ANKS1B: variants seen among roughly 807,000 people sequenced by gnomAD.
The protein encoded by ANKS1B is ankyrin repeat and sterile alpha motif domain-containing protein 1B.
ANKS1B carries 36 observed loss-of-function variants against 148.3 expected under a neutral mutation model. The observed-to-expected ratio is 0.24, with a 90% CI of 0.19 to 0.32. The LOEUF (loss-of-function observed/expected upper bound fraction) is 0.32, where lower values mean the gene tolerates loss of function less well. Ranked by LOEUF, ANKS1B falls within the 10% of genes least tolerant of loss-of-function variation. ANKS1B has a pLI of 1.00. For missense variants in ANKS1B, 1,157 were observed against 1,542.6 expected (o/e 0.75, Z 4.19); for synonymous variants, 542 against 560.8 (o/e 0.97, Z 0.47).
intron 9 of ANKS1B, among the ~76,000 whole-genome samples, chr12:99,653,932 G>A (rs1430070339): frequency 2.0e-5 from 3 of 152,084 alleles, no homozygotes; most frequent in Admixed American, 6.6e-5. Context: ...CCACAGTGCT[G>A]AGATTACAGG....
intron 17 of ANKS1B, among the ~76,000 whole-genome samples, chr12:98,969,725 C>T (rs1022676104): frequency 2.6e-5 from 4 of 152,110 alleles, no homozygotes; most frequent in Admixed American, 6.5e-5. Context: ...TGACTAAAGG[C>T]TGTAAAATGC....
At chr12:99,868,899 A>G (rs2091107735) in intron 1 of ANKS1B, among the ~76,000 whole-genome samples, 1 of 152,134 alleles carries the variant, frequency 6.6e-6, no homozygotes, top group Middle Eastern at 3.4e-3. Context: ...CTCTACTAAC[A>G]ATACAAAAAT....
intron 19 of ANKS1B, among the ~76,000 whole-genome samples, chr12:98,827,452 A>G (rs1410771158): frequency 1.3e-5 from 2 of 151,964 alleles, no homozygotes; most frequent in Admixed American, 1.3e-4. Context: ...GGCTTTTTTC[A>G]CCTGGCCAGA....
At chr12:99,655,865 G>A (rs1438092774) in intron 8 of ANKS1B, among the ~76,000 whole-genome samples, 1 of 152,108 alleles carries the variant, frequency 6.6e-6, no homozygotes, top group Non-Finnish European at 1.5e-5. Context: ...GTAACTTTTG[G>A]ATAACAGATG....
chr12:99,631,768 GAATTGAAAGCAAAT>G (rs963879378), intron 9 of ANKS1B, among the ~76,000 whole-genome samples: 4 of 152,110 alleles, frequency 2.6e-5, no homozygotes, highest in African/African-American at 9.7e-5. Flanking sequence ...CTTACACTGA[GAATTGAAAGCAAAT>G]AATAACTTAA....
At chr12:99,112,344 A>G (rs2060459301) in intron 15 of ANKS1B, among the ~76,000 whole-genome samples, 1 of 152,002 alleles carries the variant, frequency 6.6e-6, no homozygotes, top group Non-Finnish European at 1.5e-5. Flanking sequence ...TAGTTTGAGA[A>G]TATTAGTATT....
chr12:99,026,757 T>C (rs1005932911), intron 17 of ANKS1B, among the ~76,000 whole-genome samples: 2 of 152,186 alleles, frequency 1.3e-5, no homozygotes, highest in East Asian at 3.8e-4. Flanking sequence ...TTTACAAGGA[T>C]AGGGTGCTTT....
intron 12 of ANKS1B, among the ~76,000 whole-genome samples, chr12:99,385,471 G>GTAA (rs907195585): frequency 1.2e-3 from 175 of 152,116 alleles, no homozygotes; most frequent in African/African-American, 4.1e-3. Context: ...TGTGTCAAAA[G>GTAA]TAATAATAAT....
intron 17 of ANKS1B, among the ~76,000 whole-genome samples, chr12:98,929,935 T>C (rs1033101541): frequency 2.0e-5 from 3 of 152,066 alleles, no homozygotes; most frequent in Non-Finnish European, 2.9e-5. Flanking sequence ...AAATATATAA[T>C]GGACATCATC....
intron 9 of ANKS1B, among the ~76,000 whole-genome samples, chr12:99,537,349 T>C (rs769742020): frequency 7.2e-5 from 11 of 152,250 alleles, no homozygotes; most frequent in Middle Eastern, 3.4e-3. Context: ...TTATCCTCCA[T>C]AATGGTTGTA....
intron 10 of ANKS1B, among the ~76,000 whole-genome samples, chr12:99,491,227 C>A (rs934355857): frequency 2.0e-5 from 3 of 151,900 alleles, no homozygotes. Context: ...ATGGCGTGAA[C>A]CTGGGAGGCG....
intron 15 of ANKS1B, among the ~76,000 whole-genome samples, chr12:99,113,694 A>T (rs1213090108): frequency 1.3e-5 from 2 of 152,196 alleles, no homozygotes; most frequent in East Asian, 3.9e-4. Context: ...GCATGATTTG[A>T]TCCAACCCCC....
At chr12:99,147,753 A>C (rs1396162002) in intron 15 of ANKS1B, among the ~76,000 whole-genome samples, 3 of 152,120 alleles carry the variant, frequency 2.0e-5, no homozygotes, top group African/African-American at 7.2e-5. Context: ...GAAAAGGTGT[A>C]GAGCACCACC....
chr12:99,134,898 T>G (rs2067485697), intron 15 of ANKS1B, among the ~76,000 whole-genome samples: 1 of 152,154 alleles, frequency 6.6e-6, no homozygotes, highest in South Asian at 2.1e-4. Context: ...ATTTCCAGTT[T>G]GCTTTTCCAT....
At chr12:99,428,418 A>G (rs1295696695) in intron 11 of ANKS1B, among the ~76,000 whole-genome samples, 1 of 152,190 alleles carries the variant, frequency 6.6e-6, no homozygotes, top group Non-Finnish European at 1.5e-5. Flanking sequence ...GATGACCCTA[A>G]ATGAGAATCA....
intron 12 of ANKS1B, among the ~76,000 whole-genome samples, chr12:99,258,340 C>T (rs990415844): frequency 6.6e-6 from 1 of 151,662 alleles, no homozygotes; most frequent in African/African-American, 2.4e-5. Context: ...AATAAGATCC[C>T]CCTAAAAAGT....
At chr12:99,557,251 C>G (rs114657629) in intron 9 of ANKS1B, among the ~76,000 whole-genome samples, 1 of 152,124 alleles carries the variant, frequency 6.6e-6, no homozygotes, top group Non-Finnish European at 1.5e-5. Flanking sequence ...TGAATGATAT[C>G]CTCAAATATA....
intron 17 of ANKS1B, among the ~76,000 whole-genome samples, chr12:98,903,868 T>C (rs1336839774): frequency 6.6e-6 from 1 of 152,172 alleles, no homozygotes; most frequent in Non-Finnish European, 1.5e-5. Context: ...GGGAGCTCAT[T>C]ACCAACTGAA....
At chr12:98,901,956 T>G (rs1360511647) in intron 17 of ANKS1B, among the ~76,000 whole-genome samples, 3 of 152,182 alleles carry the variant, frequency 2.0e-5, no homozygotes, top group Non-Finnish European at 4.4e-5. Flanking sequence ...TATTGCCTCC[T>G]CATACTTTGC....
Sources: gnomAD v4.1 joint callset for allele counts (sites outside exome capture counted in the v4.1 genomes callset) on GRCh38, gnomAD v4.1.1 for gene constraint, MANE v1.5 for transcripts, NCBI Gene and HGNC (gene_info 2026-07-23, HGNC 2026-07-21) for gene names.